CDYL: variants seen among roughly 807,000 people sequenced by gnomAD.
CDYL encodes chromodomain Y like, also known as chromodomain Y-like protein.
Under a neutral mutation model 47.3 loss-of-function variants are expected in CDYL, and 8 were observed. That is an observed-to-expected ratio of 0.17 (90% CI 0.10 to 0.31). The LOEUF is 0.31. Among genes scored for constraint, CDYL ranks in the 10% least tolerant of loss-of-function variants. CDYL has a pLI of 1.00. For synonymous variants in CDYL, 266 were observed against 265.0 expected, an observed-to-expected ratio of 1.00 and a Z score of -0.04; for missense variants, 471 against 701.4, an observed-to-expected ratio of 0.67 and a Z score of 3.71.
At chr6:4,875,340 A>T (rs1419738334) in intron 1 of CDYL, among the ~76,000 whole-genome samples, 1 of 152,184 alleles carries the variant, frequency 6.6e-6, no homozygotes. Flanking sequence ...GAAATTTGTC[A>T]GTTTCCATGA....
At chr6:4,922,313 C>T (rs1037750311) in intron 2 of CDYL, among the ~76,000 whole-genome samples, 2 of 152,174 alleles carry the variant, frequency 1.3e-5, no homozygotes, top group Non-Finnish European at 2.9e-5. Flanking sequence ...TATGATCGTT[C>T]ACTGGGATTT....
chr6:4,787,803 C>T (rs1043064092), intron 1 of CDYL, among the ~76,000 whole-genome samples: 100 of 119,474 alleles, frequency 8.4e-4, no homozygotes, highest in African/African-American at 3.1e-3. Context: ...GACAGAGTCT[C>T]GCTCTGTTGC....
At chr6:4,894,667 C>A (rs993566506) in intron 2 of CDYL, among the ~76,000 whole-genome samples, 2 of 152,110 alleles carry the variant, frequency 1.3e-5, no homozygotes, top group African/African-American at 2.4e-5. Flanking sequence ...CCAGGCTGGT[C>A]TCAAACTCCT....
chr6:4,849,823 C>T (rs1204034470), intron 1 of CDYL, among the ~76,000 whole-genome samples: 1 of 151,740 alleles, frequency 6.6e-6, no homozygotes, highest in Non-Finnish European at 1.5e-5. Context: ...CTTCATGAAG[C>T]TCACATGTAG....
At chr6:4,709,658 T>A (rs1390724822) in intron 1 of CDYL, among the ~76,000 whole-genome samples, 2 of 152,192 alleles carry the variant, frequency 1.3e-5, no homozygotes, top group African/African-American at 4.8e-5. Flanking sequence ...GGAACCTCTG[T>A]CTCTCTATTC....
intron 1 of CDYL, among the ~76,000 whole-genome samples, chr6:4,869,497 CTGTT>C (rs1376344087): frequency 6.6e-6 from 1 of 152,106 alleles, no homozygotes; most frequent in Non-Finnish European, 1.5e-5. Flanking sequence ...TGCTGTTTTT[CTGTT>C]TATCTCTTGT....
intron 1 of CDYL, among the ~76,000 whole-genome samples, chr6:4,872,884 C>A (rs1761514870): frequency 6.6e-6 from 1 of 152,202 alleles, no homozygotes; most frequent in South Asian, 2.1e-4. Flanking sequence ...AGCAGTGATT[C>A]CGATTCAGAA....
chr6:4,744,744 G>C (rs1757858366), intron 3 of CDYL, among the ~76,000 whole-genome samples: 1 of 152,160 alleles, frequency 6.6e-6, no homozygotes, highest in African/African-American at 2.4e-5. Flanking sequence ...TTTTTCCAAA[G>C]TCATAGCAAA....
chr6:4,827,945 G>A (rs1176475789), intron 1 of CDYL, among the ~76,000 whole-genome samples: 6 of 152,144 alleles, frequency 3.9e-5, no homozygotes, highest in East Asian at 3.9e-4. Context: ...GGGAGCCATC[G>A]CACCCAGCCT....
intron 1 of CDYL, among the ~76,000 whole-genome samples, chr6:4,829,404 C>CA (rs774335394): frequency 7.2e-5 from 11 of 152,096 alleles, no homozygotes; most frequent in Non-Finnish European, 1.5e-4. Flanking sequence ...GCTAAGCAAA[C>CA]AAAACAAAAC....
chr6:4,711,948 C>G (rs1447298057), intron 1 of CDYL, among the ~76,000 whole-genome samples: 1 of 152,068 alleles, frequency 6.6e-6, no homozygotes, highest in Admixed American at 6.6e-5. Context: ...ACCTGTAGAT[C>G]CAGGAATTTG....
chr6:4,710,501 C>A (rs1344076998), intron 1 of CDYL, among the ~76,000 whole-genome samples: 1 of 150,764 alleles, frequency 6.6e-6, no homozygotes, highest in African/African-American at 2.4e-5. Context: ...GGATTGAGAA[C>A]CACTGCTTTT....
intron 5 of CDYL, among the ~76,000 whole-genome samples, chr6:4,950,576 T>G (rs1758667348): frequency 6.6e-6 from 1 of 152,152 alleles, no homozygotes; most frequent in Non-Finnish European, 1.5e-5. Context: ...ATCCACTGTT[T>G]ATGGACCGTC....
At chr6:4,747,000 AT>A (rs1757909969) in intron 3 of CDYL, among the ~76,000 whole-genome samples, 1 of 152,108 alleles carries the variant, frequency 6.6e-6, no homozygotes, top group Non-Finnish European at 1.5e-5. Context: ...CTGGTGAATG[AT>A]TTAATGTTAA....
intron 1 of CDYL, among the ~76,000 whole-genome samples, chr6:4,855,328 G>C (rs1760974271): frequency 6.6e-6 from 1 of 152,090 alleles, no homozygotes; most frequent in Admixed American, 6.5e-5. Context: ...CCAGGCTAGA[G>C]TGCAGTGTTG....
chr6:4,938,319 A>G (rs566053415), intron 4 of CDYL, among the ~76,000 whole-genome samples: 6 of 151,992 alleles, frequency 3.9e-5, no homozygotes, highest in African/African-American at 1.4e-4. Flanking sequence ...AGAACCAGAT[A>G]GTAGGAAATA....
chr6:4,892,827 G>T (rs562690532), intron 2 of CDYL, among the ~76,000 whole-genome samples: 1 of 152,292 alleles, frequency 6.6e-6, no homozygotes. Flanking sequence ...CAGTGGGAGC[G>T]TTGCTAACCC....
intron 2 of CDYL, among the ~76,000 whole-genome samples, chr6:4,897,974 G>A (rs534768066): frequency 6.6e-5 from 10 of 151,616 alleles, no homozygotes; most frequent in African/African-American, 1.7e-4. Flanking sequence ...GGAGAAAGGC[G>A]TGAACCCAGG....
At chr6:4,752,858 T>TGTGTGTGTGTGTGTG (rs1160087493) in intron 3 of CDYL, among the ~76,000 whole-genome samples, 1 of 119,692 alleles carries the variant, frequency 8.4e-6, no homozygotes, top group African/African-American at 3.2e-5. Context: ...GTGTGTGTGT[T>TGTGTGTGTGTGTGTG]TGTAGATAGG....
Sources: allele counts gnomAD v4.1 joint callset (sites outside exome capture counted in the v4.1 genomes callset), GRCh38; gene constraint gnomAD v4.1.1; transcripts MANE v1.5; gene names NCBI Gene and HGNC (gene_info 2026-07-23, HGNC 2026-07-21).